FLT4: variants seen among roughly 807,000 people sequenced by gnomAD.
FLT4 encodes fms related receptor tyrosine kinase 4, also known as vascular endothelial growth factor receptor 3.
FLT4 carries 30 observed loss-of-function variants against 163.2 expected under a neutral mutation model. That is an observed-to-expected ratio of 0.18 (90% CI 0.14 to 0.25). The LOEUF is 0.25. Among genes scored for constraint, FLT4 ranks in the 10% least tolerant of loss-of-function variants. FLT4 has a pLI of 1.00. For missense variants in FLT4, 1,510 were observed against 1,863.8 expected (o/e 0.81, Z 3.50); for synonymous variants, 884 against 789.5 (o/e 1.12, Z -2.01).
rs201456185 is a variant in FLT4, at chr5:180,639,379, G to A, written c.59-7601C>T. On this transcript the variant is annotated intron_variant, in intron 1 of 29. Transcript: ENST00000261937. ...GATGGACAGGTAGATGAGTGGATGGGTGGATGGATGGATGGATGGACGGAT... is the reference window on the plus strand; with the variant it reads ...GATGGACAGGTAGATGAGTGGATGGATGGATGGATGGATGGATGGACGGAT... 3.1e-4 allele frequency among the ~76,000 whole-genome samples: 44 copies of A among 142,490 alleles called. 2 individuals carry two copies. Among genetic ancestry groups the A allele is most frequent in the African/African-American group, 6.5e-4 (25 of 38,564 alleles). The allele number at this position is 142,490 out of a possible 152,430, so 93.5% of individuals were successfully genotyped here.
Position 180,626,168 on chromosome 5 carries a change from G to A in FLT4, c.1201C>T (p.Leu401=), listed in dbSNP as rs2127828002. ...EASTGTYTLA[L]WNSAAGLRRN... is the part of the protein sequence containing the mutation. Reference sequence around the variant, plus strand: ...CTCAGGCCAGCAGCGGAGTTCCACAGGGCGAGGGTGTAGGTGCCTGTGCTG... The same window carrying A: ...CTCAGGCCAGCAGCGGAGTTCCACAAGGCGAGGGTGTAGGTGCCTGTGCTG... The change falls in exon 9 of 30, where the codon CTG becomes TTG. Residue 401 remains leucine (L), a synonymous_variant. Coordinates refer to ENST00000261937, the MANE Select transcript of FLT4 (RefSeq NM_182925.5). 1 of 1,612,876 alleles carries A rather than the reference G, an allele frequency of 6.2e-7. No homozygotes were observed. The highest frequency in any genetic ancestry group is 8.5e-7 in the Non-Finnish European group (1 of 1,180,018).
At chr5:180,627,387 C>G (rs1157762105) in intron 8 of FLT4, among the ~76,000 whole-genome samples, 1 of 152,186 alleles carries the variant, frequency 6.6e-6, no homozygotes, top group Non-Finnish European at 1.5e-5. Flanking sequence ...CTGCATGGCT[C>G]TGGTCCTGAG....
rs66507436 is a variant in FLT4, at chr5:180,620,740, G to GTGTC, written c.2300-26_2300-25insGACA. 1.1e-5 allele frequency: 10 copies of GTGTC among 929,586 alleles called. No individual in the cohort carries two copies. The highest frequency in any genetic ancestry group is 1.3e-5 in the Non-Finnish European group (9 of 694,802). 57.6% of individuals were successfully genotyped at this position (929,586 alleles called of 1,614,324 possible). A position where few individuals can be genotyped will look rare whatever the true frequency, so the allele number is the denominator to read the frequency against. Reference sequence around the variant, plus strand: ...CCTGCGTGGGCAGAAAGGGGCCGGCGTGTGTGTGTGTGTGTGTAAGAGCGT... The same window carrying GTGTC: ...CCTGCGTGGGCAGAAAGGGGCCGGCGTGTCTGTGTGTGTGTGTGTGTAAGAGCGT... On this transcript the variant is annotated intron_variant, in intron 15 of 29. Coordinates refer to ENST00000261937, the MANE Select transcript of FLT4 (RefSeq NM_182925.5). This position sits in a 1 kb window ranked among gnomAD's most constrained non-coding sequence, Gnocchi z 4.4.
Position 180,620,411 on chromosome 5 carries a change from G to A in FLT4, c.2407-103C>T. On this transcript the variant is annotated intron_variant, in intron 16 of 29. Coordinates refer to ENST00000261937, the MANE Select transcript of FLT4 (RefSeq NM_182925.5). This position sits in a 1 kb window ranked among gnomAD's most constrained non-coding sequence, Gnocchi z 4.4. The stretch of plus-strand genomic sequence containing the variant: ...CAGGACAGATGGCACTTCCTGCGGG[G>A]TTCTCAGTCAAGGAGGGGACAGAAA... 6.7e-7 allele frequency: 1 copy of A among 1,487,864 alleles called. No homozygotes were observed. The highest frequency in any genetic ancestry group is 9.3e-7 in the Non-Finnish European group (1 of 1,074,064). The allele number at this position is 1,487,864 out of a possible 1,614,324, so 92.2% of individuals were successfully genotyped here. A position where few individuals can be genotyped will look rare whatever the true frequency, so the allele number is the denominator to read the frequency against.
chr5:180,619,829 G>T, intron 17 of FLT4, 60 bp from the exon 18 acceptor site: 1 of 1,317,590 alleles, frequency 7.6e-7, no homozygotes, highest in Non-Finnish European at 1.1e-6. Flanking sequence ...GAGACAGGTG[G>T]GCGGCGGGGG....
Position 180,649,490 on chromosome 5 carries a change from T to C in FLT4, c.56A>G (p.Asp19Gly). Reference sequence around the variant, plus strand: ...GGTGGCCCGTTCGCCGCGCTCACCGTCCAGGAGTCCCAGGCAGAGCCACAG... The same window carrying C: ...GGTGGCCCGTTCGCCGCGCTCACCGCCCAGGAGTCCCAGGCAGAGCCACAG... The part of the protein sequence containing the change: ...LRLWLCLGLL[D>G]GLVSGYSMTP... Residue 19 changes from aspartate (D) to glycine (G), a missense_variant and splice_region_variant, in exon 1 of 30, where the codon GAC becomes GGC. Coordinates refer to ENST00000261937, the MANE Select transcript of FLT4 (RefSeq NM_182925.5). 1 of 1,461,426 alleles carries C rather than the reference T, an allele frequency of 6.8e-7. No individual in the cohort carries two copies. Among genetic ancestry groups the C allele is most frequent in the South Asian group, 1.3e-5 (1 of 78,086 alleles). 90.5% of individuals were successfully genotyped at this position (1,461,426 alleles called of 1,614,324 possible). A position where few individuals can be genotyped will look rare whatever the true frequency, so the allele number is the denominator to read the frequency against.
rs1763383430 is a variant in FLT4, at chr5:180,623,901, T to C, written c.1548+34A>G. On this transcript the variant is annotated intron_variant, in intron 11 of 29. Transcript: ENST00000261937. This position sits in a 1 kb window ranked among gnomAD's most constrained non-coding sequence, Gnocchi z 5.8. ...GCCTCTCTCTCCTCCCTTCTCCTTCTCCCTGGGCACTCAGCAGCGCGGCTG... is the reference window on the plus strand; with the variant it reads ...GCCTCTCTCTCCTCCCTTCTCCTTCCCCCTGGGCACTCAGCAGCGCGGCTG... The C allele has an allele frequency of 1.2e-6, 2 of 1,612,838 alleles. No homozygotes were observed. The highest frequency in any genetic ancestry group is 1.7e-6 in the Non-Finnish European group (2 of 1,179,568).
At position 180,621,558 on chromosome 5, in the gene FLT4, C is replaced by A; in HGVS notation, c.2004G>T (p.Lys668Asn). Residue 668 changes from lysine (K) to asparagine (N), a missense_variant, in exon 13 of 30, where the codon AAG becomes AAT. Coordinates refer to ENST00000261937, the MANE Select transcript of FLT4 (RefSeq NM_182925.5). Reference protein sequence around the residue: ...RRSHDKHCHKKYLSVQALEAP... With the variant: ...RRSHDKHCHKNYLSVQALEAP... ...CAGCCTCACCCTGCACCGACAGGTA[C>A]TTCTTGTGGCAGTGCTTGTCATGGC... is the stretch of plus-strand genomic sequence containing the variant. 6.2e-7 allele frequency: 1 copy of A among 1,612,110 alleles called. No homozygotes were observed. The highest frequency in any genetic ancestry group is 8.5e-7 in the Non-Finnish European group (1 of 1,179,544).
intron 1 of FLT4, among the ~76,000 whole-genome samples, chr5:180,643,755 C>T (rs555975858): frequency 1.2e-4 from 19 of 152,150 alleles, no homozygotes; most frequent in African/African-American, 4.6e-4. Flanking sequence ...CACACCGAGG[C>T]TCCCCACCCA....
chr5:180,630,488 G>A lies in FLT4; in HGVS notation c.400+67C>T, dbSNP rs994510681. 1.1e-5 allele frequency: 18 copies of A among 1,603,370 alleles called. No homozygotes were observed. The highest frequency in any genetic ancestry group is 1.4e-5 in the Non-Finnish European group (16 of 1,175,588). ...CCTCCTGCCAGCCCAGGGTCCACAG[G>A]CTGGGGGCGGTGTGGGCCCCAGCTG... On this transcript the variant is annotated intron_variant, in intron 3 of 29. Transcript: ENST00000261937. This position sits in a 1 kb window ranked among gnomAD's most constrained non-coding sequence, Gnocchi z 6.3.
intron 20 of FLT4, 38 bp from the exon 21 acceptor site, chr5:180,618,958 GTCCGCCGCAGAGGCGCC>G: frequency 1.3e-6 from 2 of 1,557,868 alleles, no homozygotes; most frequent in Non-Finnish European, 1.7e-6. Flanking sequence ...GCGCCCAGTC[GTCCGCCGCAGAGGCGCC>G]TCCATTCCCC....
At position 180,631,977 on chromosome 5, in the gene FLT4, G is replaced by C. The variant is rs371899871; in HGVS notation, c.59-199C>G. On this transcript the variant is annotated intron_variant, in intron 1 of 29. Coordinates refer to ENST00000261937, the MANE Select transcript of FLT4 (RefSeq NM_182925.5). ...AGCTCCCAGGCGCCAAGACAGCCAC[G>C]AACCTCTCCCACAGGCGCACCCTGC... Among the ~76,000 whole-genome samples, 8 of 152,090 alleles carry C rather than the reference G, an allele frequency of 5.3e-5. No individual in the cohort carries two copies. In the South Asian group the frequency reaches 1.5e-3, roughly 28 times the overall value.
intron 1 of FLT4, 41 bp downstream of exon 1, chr5:180,649,447 C>T: frequency 2.1e-6 from 3 of 1,420,364 alleles, no homozygotes; most frequent in Non-Finnish European, 2.8e-6. Flanking sequence ...CCTCCCCGGC[C>T]AGCCCCACGC....
Position 180,607,662 on chromosome 5 carries a change from C to CATATAT in FLT4, c.3893+1300_3893+1305dup, listed in dbSNP as rs138060505. 1.1e-3 allele frequency among the ~76,000 whole-genome samples: 155 copies of CATATAT among 147,610 alleles called. 1 individual carries two copies. The highest frequency in any genetic ancestry group is 3.7e-3 in the African/African-American group (149 of 40,060). ...TCAAAAAAAAAAAAATACATACATA[C>CATATAT]ATATATATATATAAAATAAAGAAAA... is the stretch of plus-strand genomic sequence containing the variant. On this transcript the variant is annotated intron_variant, in intron 29 of 29. Coordinates refer to ENST00000261937, the MANE Select transcript of FLT4 (RefSeq NM_182925.5).
intron 29 of FLT4, among the ~76,000 whole-genome samples, chr5:180,603,737 T>C (rs1332373527): frequency 6.6e-6 from 1 of 152,010 alleles, no homozygotes; most frequent in African/African-American, 2.4e-5. Flanking sequence ...ACCCCGTCTC[T>C]ACTAAAAATA....
At position 180,649,472 on chromosome 5, in the gene FLT4, C is replaced by A. The variant is rs1164500285; in HGVS notation, c.58+16G>T. On this transcript the variant is annotated intron_variant, in intron 1 of 29. Transcript: ENST00000261937. ...CAGCCCCACGCTCGGGCGGGTGGCC[C>A]GTTCGCCGCGCTCACCGTCCAGGAG... 5.5e-6 allele frequency: 8 copies of A among 1,455,756 alleles called. No homozygotes were observed. The highest frequency in any genetic ancestry group is 1.3e-5 in the South Asian group (1 of 77,598). The allele number at this position is 1,455,756 out of a possible 1,614,324, so 90.2% of individuals were successfully genotyped here.
chr5:180,616,602 A>C, intron 22 of FLT4, 113 bp from the exon 23 acceptor site: 1 of 1,189,180 alleles, frequency 8.4e-7, no homozygotes, highest in Admixed American at 1.8e-5. Flanking sequence ...GCCCTGCCTG[A>C]ACTGTGCTCC....
At position 180,628,896 on chromosome 5, in the gene FLT4, C is replaced by G. The variant is rs201974792; in HGVS notation, c.1089G>C (p.Pro363=). The change falls in exon 8 of 30, where the codon CCG becomes CCC. Residue 363 remains proline (P), a synonymous_variant. Coordinates refer to ENST00000261937, the MANE Select transcript of FLT4 (RefSeq NM_182925.5). The stretch of plus-strand genomic sequence containing the variant: ...AGGGCTGTTACCACTGGAACTCGGG[C>G]GGGGGGTACGCTGCCAGCTTCACGG... ...KLPVKLAAYP[P]PEFQWYKDGK... 4.8e-5 allele frequency: 77 copies of G among 1,609,368 alleles called. No homozygotes were observed. The highest frequency in any genetic ancestry group is 1.1e-5 in the South Asian group (1 of 91,022).
intron 1 of FLT4, among the ~76,000 whole-genome samples, chr5:180,646,160 G>C (rs944493627): frequency 6.6e-6 from 1 of 152,004 alleles, no homozygotes; most frequent in African/African-American, 2.4e-5. Flanking sequence ...TGAGGTCTCC[G>C]AGGAAATCCC....
Sources: allele counts gnomAD v4.1 joint callset (sites outside exome capture counted in the v4.1 genomes callset), GRCh38; gene constraint gnomAD v4.1.1; non-coding constraint Gnocchi (gnomAD v3.1); transcripts MANE v1.5; gene names NCBI Gene and HGNC (gene_info 2026-07-23, HGNC 2026-07-21).